STAG1: variants seen among roughly 807,000 people sequenced by gnomAD.
STAG1 encodes the protein STAG1 cohesin complex component.
In STAG1, 26 loss-of-function variants were observed where a neutral mutation model predicts 170.9. The ratio of observed to expected loss-of-function variants is 0.15; its 90% CI spans 0.11 to 0.21. STAG1 has a LOEUF of 0.21. Ranked by LOEUF, STAG1 falls within the 10% of genes least tolerant of loss-of-function variation. STAG1 has a pLI of 1.00. For synonymous variants in STAG1, 514 were observed against 497.7 expected, an observed-to-expected ratio of 1.03 and a Z score of -0.44; for missense variants, 964 against 1,509.5, an observed-to-expected ratio of 0.64 and a Z score of 5.99.
At chr3:136,553,135 T>C (rs1936473514) in intron 5 of STAG1, among the ~76,000 whole-genome samples, 2 of 152,108 alleles carry the variant, frequency 1.3e-5, no homozygotes, top group African/African-American at 4.8e-5. Flanking sequence ...AACAATTCCA[T>C]GGACCAAGTA....
At chr3:136,700,818 C>A (rs1285524778) in intron 1 of STAG1, among the ~76,000 whole-genome samples, 1 of 151,050 alleles carries the variant, frequency 6.6e-6, no homozygotes, top group Admixed American at 6.6e-5. Flanking sequence ...GAAATTAACA[C>A]ACGGTCTCTC....
At chr3:136,391,186 G>A (rs925859893) in intron 22 of STAG1, among the ~76,000 whole-genome samples, 2 of 152,056 alleles carry the variant, frequency 1.3e-5, no homozygotes, top group African/African-American at 4.8e-5. Flanking sequence ...CCAGAGGTAG[G>A]GATGTTTGGC....
intron 16 of STAG1, among the ~76,000 whole-genome samples, chr3:136,430,806 G>GAC (rs35492621): frequency 0.15 from 18,997 of 130,712 alleles, 1,349 homozygotes; most frequent in East Asian, 0.2. Flanking sequence ...GACATAGACA[G>GAC]ACACACACAC....
chr3:136,737,507 G>A (rs1934409360), intron 1 of STAG1, among the ~76,000 whole-genome samples: 1 of 152,144 alleles, frequency 6.6e-6, no homozygotes. Flanking sequence ...CAAAGTGTTG[G>A]GATTACAGGC....
At chr3:136,660,479 G>GA (rs144952091) in intron 1 of STAG1, among the ~76,000 whole-genome samples, 21 of 151,380 alleles carry the variant, frequency 1.4e-4, no homozygotes, top group Non-Finnish European at 2.2e-4. Context: ...TTTTTCACGA[G>GA]AAAAAAAACT....
At chr3:136,361,216 T>C (rs1936851558) in intron 26 of STAG1, among the ~76,000 whole-genome samples, 1 of 152,216 alleles carries the variant, frequency 6.6e-6, no homozygotes, top group South Asian at 2.1e-4. Flanking sequence ...TATTTTTACA[T>C]AAATGGTAGC....
intron 1 of STAG1, among the ~76,000 whole-genome samples, chr3:136,694,854 T>A (rs987594716): frequency 1.3e-5 from 2 of 152,012 alleles, no homozygotes; most frequent in Non-Finnish European, 2.9e-5. Flanking sequence ...GGAAGAATAG[T>A]AGGGTAAGAA....
intron 5 of STAG1, among the ~76,000 whole-genome samples, chr3:136,565,037 G>C (rs1221145018): frequency 3.3e-5 from 3 of 89,826 alleles, no homozygotes; most frequent in African/African-American, 1.7e-4. Flanking sequence ...CAGGCAGGCA[G>C]GCAGAAGGGA....
chr3:136,566,786 A>G (rs769203591), intron 5 of STAG1, among the ~76,000 whole-genome samples: 3 of 152,234 alleles, frequency 2.0e-5, no homozygotes, highest in Non-Finnish European at 4.4e-5. Flanking sequence ...AGGTATACAT[A>G]AAATTACTCA....
chr3:136,464,757 C>G (rs541492220), intron 13 of STAG1, 124 bp downstream of exon 13: 24 of 716,524 alleles, frequency 3.3e-5, no homozygotes, highest in Non-Finnish European at 5.1e-5. Context: ...GTTATAGCCC[C>G]TGGAGTATCA....
intron 5 of STAG1, among the ~76,000 whole-genome samples, chr3:136,566,381 C>T (rs1229554353): frequency 6.6e-6 from 1 of 152,186 alleles, no homozygotes; most frequent in Non-Finnish European, 1.5e-5. Context: ...ACCCTGATCT[C>T]AGACTTCCAG....
rs1400429006 is a variant in STAG1 at position 136,349,291 on chromosome 3, G to A, written c.3138C>T (p.Ile1046=). The change falls in exon 29 of 34, where the codon ATC becomes ATT. Residue 1046 remains isoleucine (I), a synonymous_variant. Coordinates refer to ENST00000383202, the MANE Select transcript of STAG1 (RefSeq NM_005862.3). ...ERREDVWLPL[I]SYRNSLVTGG... is the part of the protein sequence containing the mutation. ...CAGTGACTAATGAATTTCTATAGGA[G>A]ATGAGTGGAAGCCATACATCCTCCC... The A allele has an allele frequency of 2.9e-5, 47 of 1,613,876 alleles. No individual in the cohort carries two copies. Among genetic ancestry groups the A allele is most frequent in the Non-Finnish European group, 4.0e-5 (47 of 1,179,930 alleles).
chr3:136,473,759 A>G, intron 10 of STAG1, 122 bp from the exon 11 acceptor site: 1 of 684,454 alleles, frequency 1.5e-6, no homozygotes, highest in Non-Finnish European at 2.5e-6. Flanking sequence ...AATTCAACAT[A>G]GGATGAGACT....
intron 21 of STAG1, among the ~76,000 whole-genome samples, chr3:136,406,588 CTG>C (rs1481919961): frequency 6.6e-6 from 1 of 152,038 alleles, no homozygotes; most frequent in African/African-American, 2.4e-5. Context: ...GTAAAATTCA[CTG>C]TAACATTTTT....
intron 5 of STAG1, among the ~76,000 whole-genome samples, chr3:136,548,285 T>C (rs1425838566): frequency 6.6e-6 from 1 of 151,998 alleles, no homozygotes; most frequent in Non-Finnish European, 1.5e-5. Flanking sequence ...GGCTAATTTT[T>C]GTATTTTTAG....
intron 3 of STAG1, among the ~76,000 whole-genome samples, chr3:136,619,572 C>G (rs974099559): frequency 1.3e-5 from 2 of 151,584 alleles, no homozygotes; most frequent in Non-Finnish European, 2.9e-5. Context: ...GCCTGGCCAA[C>G]ATGGTGAAAC....
At chr3:136,671,002 C>G (rs1348645776) in intron 1 of STAG1, among the ~76,000 whole-genome samples, 1 of 151,856 alleles carries the variant, frequency 6.6e-6, no homozygotes, top group African/African-American at 2.4e-5. Context: ...AGGAAAGTAC[C>G]GGCCGGGTGT....
rs1221209232 is a variant in STAG1, at chr3:136,477,390, C to T, written c.925G>A (p.Ala309Thr). The T allele has an allele frequency of 6.2e-7, 1 of 1,611,666 alleles. No individual in the cohort carries two copies. ...ACTCCAATTTCTTCAATACAAATGG[C>T]TCTAATCTCAGCAATAGCATCACTA... Reference protein sequence around the residue: ...RYRDAIAEIRAICIEEIGVWM... With the variant: ...RYRDAIAEIRTICIEEIGVWM... The change falls in exon 10 of 34, where the codon GCC becomes ACC. Residue 309 changes from alanine (A) to threonine (T), a missense_variant. Transcript: ENST00000383202.
At chr3:136,751,656 C>A (rs1935247668) in intron 1 of STAG1, among the ~76,000 whole-genome samples, 1 of 152,168 alleles carries the variant, frequency 6.6e-6, no homozygotes, top group African/African-American at 2.4e-5. Context: ...GAGCGACCCC[C>A]CAGGCCCCTC....
Sources: gnomAD v4.1 joint callset for allele counts (sites outside exome capture counted in the v4.1 genomes callset) on GRCh38, gnomAD v4.1.1 for gene constraint, MANE v1.5 for transcripts, NCBI Gene and HGNC (gene_info 2026-07-23, HGNC 2026-07-21) for gene names.